SNTG1: variants seen among roughly 807,000 people sequenced by gnomAD.
The protein encoded by SNTG1 is syntrophin gamma 1.
A neutral mutation model predicts 74.7 loss-of-function variants in SNTG1; 39 were observed. The ratio of observed to expected loss-of-function variants is 0.52; its 90% CI spans 0.40 to 0.68. SNTG1 has a LOEUF of 0.68. Ranked by LOEUF, SNTG1 falls within the 30% of genes least tolerant of loss-of-function variation. SNTG1 has a pLI of 0.00. For synonymous variants in SNTG1, 254 were observed against 217.1 expected (o/e 1.17, Z -1.49); for missense variants, 685 against 609.5 (o/e 1.12, Z -1.30).
At chr8:50,148,415 A>AT (rs956576054) in intron 1 of SNTG1, among the ~76,000 whole-genome samples, 22 of 152,014 alleles carry the variant, frequency 1.4e-4, no homozygotes, top group Non-Finnish European at 2.8e-4. Context: ...TTGTTTATTA[A>AT]TTTTTTTATT....
chr8:50,778,156 T>G (rs922466911), intron 18 of SNTG1, among the ~76,000 whole-genome samples: 4 of 152,228 alleles, frequency 2.6e-5, no homozygotes, highest in Non-Finnish European at 4.4e-5. Flanking sequence ...AGTGCCGCAA[T>G]AAACATACGT....
At chr8:50,549,002 T>C (rs188851808) in intron 11 of SNTG1, among the ~76,000 whole-genome samples, 416 of 152,150 alleles carry the variant, frequency 2.7e-3, no homozygotes, top group African/African-American at 9.4e-3. Flanking sequence ...ACCTCAGAGA[T>C]ATTGAAGGAG....
intron 15 of SNTG1, among the ~76,000 whole-genome samples, chr8:50,670,001 C>A (rs1331809618): frequency 6.6e-6 from 1 of 152,044 alleles, no homozygotes; most frequent in South Asian, 2.1e-4. Flanking sequence ...ACGTTTCATG[C>A]TAAAAACTCT....
chr8:50,367,856 T>C (rs532320326), intron 2 of SNTG1, among the ~76,000 whole-genome samples: 6 of 152,200 alleles, frequency 3.9e-5, no homozygotes, highest in Non-Finnish European at 8.8e-5. Flanking sequence ...TGCACTGATT[T>C]TGGTACCAGG....
At chr8:50,284,104 T>A (rs2088628359) in intron 2 of SNTG1, among the ~76,000 whole-genome samples, 1 of 152,088 alleles carries the variant, frequency 6.6e-6, no homozygotes, top group Admixed American at 6.6e-5. Flanking sequence ...TCACAGACAT[T>A]CTTTGGTTTT....
At chr8:50,515,964 C>T (rs1045470997) in intron 9 of SNTG1, among the ~76,000 whole-genome samples, 6 of 152,198 alleles carry the variant, frequency 3.9e-5, no homozygotes, top group South Asian at 2.1e-4. Context: ...AGATTCCCTC[C>T]TCAAGTGGGT....
At chr8:50,135,530 G>T (rs908492244) in intron 1 of SNTG1, among the ~76,000 whole-genome samples, 1 of 152,022 alleles carries the variant, frequency 6.6e-6, no homozygotes, top group African/African-American at 2.4e-5. Flanking sequence ...TAGGAAGCAA[G>T]AACTATTTAA....
chr8:50,159,372 T>C (rs2082346556), intron 1 of SNTG1, among the ~76,000 whole-genome samples: 1 of 152,178 alleles, frequency 6.6e-6, no homozygotes, highest in South Asian at 2.1e-4. Context: ...ATAAATTATC[T>C]TATTCCTATT....
At position 50,724,380 on chromosome 8, in the gene SNTG1, C is replaced by T. The variant is rs191537302; in HGVS notation, c.1284+15402C>T. Among the ~76,000 whole-genome samples the T allele has an allele frequency of 3.8e-3, 585 of 152,192 alleles. 6 individuals are homozygous for T. Among genetic ancestry groups the T allele is most frequent in the Non-Finnish European group, 6.0e-3 (411 of 68,004 alleles). On this transcript the variant is annotated intron_variant, in intron 17 of 18. Transcript: ENST00000642720. Reference sequence around the variant, plus strand: ...TAGTTTTAGTTGAATATGTGGTCTCCTCGGGCTAATAATAAGTAATGTGGC... The same window carrying T: ...TAGTTTTAGTTGAATATGTGGTCTCTTCGGGCTAATAATAAGTAATGTGGC...
At chr8:50,283,153 G>A (rs951066018) in intron 2 of SNTG1, among the ~76,000 whole-genome samples, 5 of 152,078 alleles carry the variant, frequency 3.3e-5, no homozygotes, top group African/African-American at 7.2e-5. Context: ...ACAAAAAAGC[G>A]ACAAAAATTA....
intron 11 of SNTG1, among the ~76,000 whole-genome samples, chr8:50,548,182 A>G (rs939243439): frequency 2.6e-5 from 4 of 152,166 alleles, no homozygotes; most frequent in African/African-American, 9.6e-5. Context: ...AACTGGATTT[A>G]TTGAGGGCTG....
intron 1 of SNTG1, among the ~76,000 whole-genome samples, chr8:50,048,941 G>A (rs1225484416): frequency 6.6e-6 from 1 of 151,936 alleles, no homozygotes; most frequent in African/African-American, 2.4e-5. Flanking sequence ...TACGATTGAT[G>A]CAGGCAAGAA....
intron 1 of SNTG1, among the ~76,000 whole-genome samples, chr8:50,025,601 T>C (rs941115033): frequency 6.6e-6 from 1 of 152,148 alleles, no homozygotes; most frequent in Non-Finnish European, 1.5e-5. Flanking sequence ...GTAACTCCTG[T>C]AGTTGGAAAA....
intron 15 of SNTG1, among the ~76,000 whole-genome samples, chr8:50,659,266 G>C (rs1007299733): frequency 6.6e-6 from 1 of 152,040 alleles, no homozygotes; most frequent in Non-Finnish European, 1.5e-5. Flanking sequence ...TTTCTATAGC[G>C]TTTTTTAAAG....
chr8:50,223,435 T>C (rs2085167787), intron 2 of SNTG1, among the ~76,000 whole-genome samples: 1 of 152,020 alleles, frequency 6.6e-6, no homozygotes, highest in Non-Finnish European at 1.5e-5. Flanking sequence ...AAATTAAAAA[T>C]TAGCAACAGG....
chr8:50,403,467 C>G (rs747767117), intron 4 of SNTG1, among the ~76,000 whole-genome samples: 1 of 152,110 alleles, frequency 6.6e-6, no homozygotes, highest in East Asian at 1.9e-4. Context: ...CCTTTCTTCC[C>G]TTTGGTTAAT....
At chr8:50,058,596 T>C (rs532962131) in intron 1 of SNTG1, among the ~76,000 whole-genome samples, 2 of 152,128 alleles carry the variant, frequency 1.3e-5, no homozygotes, top group African/African-American at 2.4e-5. Context: ...TGTGAAGTTA[T>C]ATGCGATGAT....
chr8:49,969,387 CTTTTTTTTT>C (rs575026898), intron 1 of SNTG1, among the ~76,000 whole-genome samples: 3 of 47,152 alleles, frequency 6.4e-5, no homozygotes, highest in Admixed American at 2.9e-4. Context: ...TTCATTTAAT[CTTTTTTTTT>C]TTTTTTTTTT....
At chr8:50,150,862 C>G (rs2082044078) in intron 1 of SNTG1, among the ~76,000 whole-genome samples, 1 of 152,118 alleles carries the variant, frequency 6.6e-6, no homozygotes, top group African/African-American at 2.4e-5. Context: ...GGATGTTGGT[C>G]TAAAATTCTC....
Sources: allele counts gnomAD v4.1 joint callset (sites outside exome capture counted in the v4.1 genomes callset), GRCh38; gene constraint gnomAD v4.1.1; transcripts MANE v1.5; gene names NCBI Gene and HGNC (gene_info 2026-07-23, HGNC 2026-07-21).